ZNF568: variants seen among roughly 807,000 people sequenced by gnomAD.
ZNF568 encodes zinc finger protein 568.
ZNF568 carries 11 observed loss-of-function variants against 18.1 expected under a neutral mutation model. The observed-to-expected ratio is 0.61, with a 90% confidence interval of 0.38 to 1.00. The LOEUF is 1.00. Among genes scored for constraint, ZNF568 ranks in the 50% least tolerant of loss-of-function variants. The probability of loss-of-function intolerance (pLI) is 0.01; values close to 1 mark genes in which losing one functional copy is unlikely to be tolerated. For missense variants in ZNF568, 639 were observed against 768.2 expected (o/e 0.83, Z 1.99); for synonymous variants, 213 against 246.6 (o/e 0.86, Z 1.28).
chr19:36,937,985 T>G (rs540374546), intron 6 of ZNF568, among the ~76,000 whole-genome samples: 10 of 152,342 alleles, frequency 6.6e-5, no homozygotes, highest in African/African-American at 2.2e-4. Flanking sequence ...ATACACTTCT[T>G]TTTTGGAGTT....
downstream of ZNF568, among the ~76,000 whole-genome samples, chr19:36,980,491 C>T (rs1208668063): frequency 6.6e-6 from 1 of 152,096 alleles, no homozygotes; most frequent in Non-Finnish European, 1.5e-5. Context: ...ACTCAGACAC[C>T]AGCTACAACT....
chr19:36,977,662 C>G (rs2074297079), intron 7 of ZNF568, among the ~76,000 whole-genome samples: 1 of 152,216 alleles, frequency 6.6e-6, no homozygotes, highest in Admixed American at 6.5e-5. Context: ...CCCTCCCCGT[C>G]CATGCCCTGC....
intron 4 of ZNF568, among the ~76,000 whole-genome samples, chr19:36,928,955 T>C (rs1213476639): frequency 6.6e-6 from 1 of 152,124 alleles, no homozygotes; most frequent in African/African-American, 2.4e-5. Context: ...CAATAACAAT[T>C]CTAAATTATT....
intron 6 of ZNF568, among the ~76,000 whole-genome samples, chr19:36,941,678 A>T (rs2073881032): frequency 6.6e-6 from 1 of 152,210 alleles, no homozygotes; most frequent in Non-Finnish European, 1.5e-5. Flanking sequence ...ACTTGTCAGG[A>T]TCATGACAGT....
chr19:36,970,394 G>T (rs2074227313), intron 6 of ZNF568, among the ~76,000 whole-genome samples: 1 of 148,930 alleles, frequency 6.7e-6, no homozygotes, highest in African/African-American at 2.5e-5. Context: ...CGCCCAGGCT[G>T]GAGTGCAGTG....
chr19:36,941,983 A>T (rs1162663097), intron 6 of ZNF568, among the ~76,000 whole-genome samples: 2 of 138,230 alleles, frequency 1.4e-5, no homozygotes, highest in African/African-American at 2.7e-5. Flanking sequence ...TGCTCTGTAA[A>T]TTTTTTTTTT....
chr19:36,942,598 C>CAAA (rs1157835192), intron 6 of ZNF568, among the ~76,000 whole-genome samples: 52 of 68,156 alleles, frequency 7.6e-4, no homozygotes, highest in African/African-American at 9.0e-4. Flanking sequence ...GACTCCGTCT[C>CAAA]AAAAAAAAAA....
At chr19:36,987,034 C>T (rs2074382058) in intron 2 of ZNF568, among the ~76,000 whole-genome samples, 1 of 152,218 alleles carries the variant, frequency 6.6e-6, no homozygotes, top group African/African-American at 2.4e-5. Flanking sequence ...GACTTCTCTT[C>T]TCCAAGCTAA....
At chr19:36,957,976 T>C (rs998135572) in intron 6 of ZNF568, among the ~76,000 whole-genome samples, 1 of 152,198 alleles carries the variant, frequency 6.6e-6, no homozygotes, top group African/African-American at 2.4e-5. Context: ...ACTGTTTTTA[T>C]TGTGATTGGG....
At chr19:36,966,657 G>A (rs2074197196) in intron 6 of ZNF568, among the ~76,000 whole-genome samples, 1 of 152,146 alleles carries the variant, frequency 6.6e-6, no homozygotes. Context: ...GTCAGTAGAG[G>A]GTGTGGACAT....
At chr19:36,933,916 G>GTTTTTT (rs1243440418) in intron 4 of ZNF568, among the ~76,000 whole-genome samples, 4 of 20,722 alleles carry the variant, frequency 1.9e-4, no homozygotes, top group Admixed American at 9.9e-4. Context: ...TTTTTGTTTT[G>GTTTTTT]TTTTTTTGTT....
chr19:36,929,116 CT>C (rs2073636036), intron 4 of ZNF568, among the ~76,000 whole-genome samples: 1 of 131,582 alleles, frequency 7.6e-6, no homozygotes. Flanking sequence ...GCTTACATAA[CT>C]TTAGGGAAAA....
chr19:36,987,813 AC>A (rs752199515), intron 2 of ZNF568, among the ~76,000 whole-genome samples: 22 of 88,696 alleles, frequency 2.5e-4, no homozygotes, highest in South Asian at 9.8e-4. Context: ...GAGAAAGAAA[AC>A]ACAGACTCTG....
intron 6 of ZNF568, among the ~76,000 whole-genome samples, chr19:36,946,649 C>CTTTTTTTT (rs33950985): frequency 3.6e-5 from 4 of 110,440 alleles, no homozygotes; most frequent in Non-Finnish European, 5.4e-5. Flanking sequence ...TTTTTGTTTC[C>CTTTTTTTT]TTTTTTTTTT....
In ZNF568 at chr19:36,928,055, C is replaced by T. The variant is rs1272786790; in HGVS notation, c.135+2797C>T. On this transcript the variant is annotated intron_variant, in intron 4 of 6. Coordinates refer to ENST00000333987, the MANE Select transcript of ZNF568 (RefSeq NM_198539.4). ...TCAGCCTCCCAAGCAGCTGGGATTA[C>T]AGGGGTACACCACCATGCCTGGCTA... is the stretch of plus-strand genomic sequence containing the variant. Among the ~76,000 whole-genome samples, 30 of 149,624 alleles carry T rather than the reference C, an allele frequency of 2.0e-4. 1 individual carries two copies. The Admixed American group carries it at 2.0e-3, about 10-fold the overall frequency.
intron 6 of ZNF568, among the ~76,000 whole-genome samples, chr19:36,971,236 GA>G (rs913846866): frequency 7.8e-5 from 11 of 141,222 alleles, no homozygotes; most frequent in South Asian, 2.2e-4. Flanking sequence ...TCCGTCTCAA[GA>G]AAAAAAAAAA....
At chr19:36,936,436 C>G (rs1278390559) in intron 4 of ZNF568, among the ~76,000 whole-genome samples, 1 of 152,026 alleles carries the variant, frequency 6.6e-6, no homozygotes, top group Non-Finnish European at 1.5e-5. Flanking sequence ...TACTCTATTC[C>G]AAATTTGCTC....
chr19:36,981,834 A>C (rs1045764752), downstream of ZNF568, among the ~76,000 whole-genome samples: 1 of 152,110 alleles, frequency 6.6e-6, no homozygotes, highest in Non-Finnish European at 1.5e-5. Flanking sequence ...TGATTATGCC[A>C]CTACACTCCA....
intron 6 of ZNF568, among the ~76,000 whole-genome samples, chr19:36,967,606 T>A (rs921222317): frequency 3.3e-5 from 5 of 152,196 alleles, no homozygotes; most frequent in African/African-American, 1.2e-4. Context: ...TTGTGGTTTC[T>A]GTTTCCTGAC....
Sources: gnomAD v4.1 joint callset for allele counts (sites outside exome capture counted in the v4.1 genomes callset) on GRCh38, gnomAD v4.1.1 for gene constraint, MANE v1.5 for transcripts, NCBI Gene and HGNC (gene_info 2026-07-23, HGNC 2026-07-21) for gene names.